The following KLHL1 variants were observed in gnomAD, a reference collection of about 807,000 sequenced individuals.
KLHL1 encodes kelch-like protein 1.
In KLHL1, 47 loss-of-function variants were observed where a neutral mutation model predicts 77.7. The observed-to-expected ratio is 0.60, with a 90% CI of 0.48 to 0.77. The LOEUF (loss-of-function observed/expected upper bound fraction) is 0.77, where lower values mean the gene tolerates loss of function less well. KLHL1 is among the 30% of genes least tolerant of loss of function. The pLI, the probability that KLHL1 is intolerant of heterozygous loss-of-function variation, is 0.00. For synonymous variants in KLHL1, 360 were observed against 325.2 expected (o/e 1.11, Z -1.15); for missense variants, 925 against 910.8 (o/e 1.02, Z -0.20).
At chr13:70,101,629 A>G (rs532503420) in intron 1 of KLHL1, among the ~76,000 whole-genome samples, 5 of 152,050 alleles carry the variant, frequency 3.3e-5, no homozygotes, top group Non-Finnish European at 5.9e-5. Context: ...GGGTTTCACC[A>G]TGTTGGCCAG....
chr13:69,950,406 CA>C (rs1463895306), intron 3 of KLHL1, among the ~76,000 whole-genome samples: 29 of 151,624 alleles, frequency 1.9e-4, no homozygotes, highest in Non-Finnish European at 3.4e-4. Context: ...TAAGCTCCCT[CA>C]ACTTTAACAA....
intron 5 of KLHL1, among the ~76,000 whole-genome samples, chr13:69,868,097 C>G (rs1164409209): frequency 6.6e-6 from 1 of 151,964 alleles, no homozygotes; most frequent in East Asian, 1.9e-4. Context: ...TCTTTTTAAT[C>G]TCTTTTCTTG....
chr13:69,810,818 C>A (rs562686339), intron 6 of KLHL1, among the ~76,000 whole-genome samples: 1 of 151,888 alleles, frequency 6.6e-6, no homozygotes, highest in Non-Finnish European at 1.5e-5. Flanking sequence ...CATATGAATA[C>A]AAAGGCTCCT....
At chr13:69,925,690 G>A (rs2325252) in intron 4 of KLHL1, among the ~76,000 whole-genome samples, 136,230 of 151,720 alleles carry the variant, frequency 0.9, 61,692 homozygotes, top group Non-Finnish European at 0.97. Flanking sequence ...TCTAACATTT[G>A]AAGTTTTATT....
intron 6 of KLHL1, 76 bp from the exon 7 acceptor site, chr13:69,797,038 T>A (rs1210227673): frequency 8.2e-7 from 1 of 1,213,358 alleles, no homozygotes; most frequent in Non-Finnish European, 1.2e-6. Flanking sequence ...GGGTACAAAT[T>A]AGGATGTGAA....
At position 69,940,132 on chromosome 13, in the gene KLHL1, G is replaced by A; in HGVS notation, c.922C>T (p.Leu308Phe). 3.7e-6 allele frequency: 6 copies of A among 1,613,078 alleles called. No homozygotes were observed. Among genetic ancestry groups the A allele is most frequent in the Non-Finnish European group, 5.1e-6 (6 of 1,179,550 alleles). Reference sequence around the variant, plus strand: ...CCTAAACAGTTAGATGGATGCAAAAGCTTCATGAGGAAGTGGCAGCACACT... The same window carrying A: ...CCTAAACAGTTAGATGGATGCAAAAACTTCATGAGGAAGTGGCAGCACACT... ...VEVCCHFLMK[L>F]LHPSNCLGIR... Residue 308 changes from leucine to phenylalanine, a missense_variant, in exon 4 of 11, where the codon CTT becomes TTT. Coordinates refer to ENST00000377844, the MANE Select transcript of KLHL1 (RefSeq NM_020866.3).
At chr13:69,779,620 A>G (rs537974315) in intron 7 of KLHL1, among the ~76,000 whole-genome samples, 1 of 152,074 alleles carries the variant, frequency 6.6e-6, no homozygotes, top group Admixed American at 6.5e-5. Context: ...CAATAATTCC[A>G]AAATATTATT....
At chr13:69,986,830 C>A (rs1593652518) in intron 1 of KLHL1, among the ~76,000 whole-genome samples, 1 of 151,788 alleles carries the variant, frequency 6.6e-6, no homozygotes, top group African/African-American at 2.4e-5. Flanking sequence ...TGTTTAATAA[C>A]CTAAACTTCT....
intron 4 of KLHL1, among the ~76,000 whole-genome samples, chr13:69,919,495 G>T (rs1882561525): frequency 6.6e-6 from 1 of 152,084 alleles, no homozygotes; most frequent in South Asian, 2.1e-4. Flanking sequence ...AGAAATGGTT[G>T]AGTGGAAAAG....
At chr13:69,744,289 G>T (rs1874109317) in intron 7 of KLHL1, among the ~76,000 whole-genome samples, 1 of 152,066 alleles carries the variant, frequency 6.6e-6, no homozygotes, top group South Asian at 2.1e-4. Context: ...AAAGTTTCCA[G>T]GAGGATGGGC....
Position 69,700,680 on chromosome 13 carries a change from T to A in KLHL1, c.*1022A>T, listed in dbSNP as rs2137861030. The stretch of plus-strand genomic sequence containing the variant: ...AGGACATTGTGTAATGTTTCCACTT[T>A]GTTTTAAACAATTACAAACATGTGG... On this transcript the variant is annotated 3_prime_UTR_variant, in exon 11 of 11. Transcript: ENST00000377844. The A allele has an allele frequency of 6.6e-6, 1 of 152,568 alleles. No individual in the cohort carries two copies. Among genetic ancestry groups the A allele is most frequent in the African/African-American group, 2.4e-5 (1 of 41,560 alleles). The allele number at this position is 152,568 out of a possible 1,614,324, so 9.5% of individuals were successfully genotyped here.
rs376729624 is a variant in KLHL1 at position 69,885,141 on chromosome 13, C to T, written c.1015-2646G>A. On this transcript the variant is annotated intron_variant, in intron 4 of 10. Coordinates refer to ENST00000377844, the MANE Select transcript of KLHL1 (RefSeq NM_020866.3). ...ATTTTTAGTAGAGACGGGGTTTCAC[C>T]GTGTTAGCCAGGATGGTCTCGATCT... 8.5e-4 allele frequency among the ~76,000 whole-genome samples: 116 copies of T among 136,422 alleles called. 2 individuals are homozygous for T. The South Asian group carries it at 0.024, about 28-fold the overall frequency. The allele number at this position is 136,422 out of a possible 152,430, so 89.5% of individuals were successfully genotyped here.
At chr13:69,903,744 C>T (rs888804172) in intron 4 of KLHL1, among the ~76,000 whole-genome samples, 3 of 135,486 alleles carry the variant, frequency 2.2e-5, no homozygotes, top group Admixed American at 1.8e-4. Context: ...TGGGTTCAAG[C>T]GATTCTCCTG....
In KLHL1 at chr13:69,936,482, G is replaced by A. The variant is rs1883191318; in HGVS notation, c.1014+3558C>T. ...CAGGTGCCTGTAGTCCCAGTTACTT[G>A]GGAGTCTGGGACAGGAGAATTGCCC... is the stretch of plus-strand genomic sequence containing the variant. On this transcript the variant is annotated intron_variant, in intron 4 of 10. Coordinates refer to ENST00000377844, the MANE Select transcript of KLHL1 (RefSeq NM_020866.3). Among the ~76,000 whole-genome samples, 3 of 151,866 alleles carry A rather than the reference G, an allele frequency of 2.0e-5. No homozygotes were observed. The South Asian group carries it at 6.2e-4, about 32-fold the overall frequency.
At chr13:69,929,301 T>C (rs576015255) in intron 4 of KLHL1, among the ~76,000 whole-genome samples, 21 of 152,150 alleles carry the variant, frequency 1.4e-4, no homozygotes, top group African/African-American at 2.4e-4. Context: ...TTCTGTGTTT[T>C]ATCTCATTTT....
chr13:69,975,607 C>A lies in KLHL1; in HGVS notation c.680+13G>T. The A allele has an allele frequency of 6.2e-7, 1 of 1,603,666 alleles. No individual in the cohort carries two copies. The highest frequency in any genetic ancestry group is 8.5e-7 in the Non-Finnish European group (1 of 1,176,124). On this transcript the variant is annotated intron_variant, in intron 2 of 10. Coordinates refer to ENST00000377844, the MANE Select transcript of KLHL1 (RefSeq NM_020866.3). ...TGTGAATGCATGTTTCCAGTAGAGG[C>A]AGACTACTGTACCTATGTGCAGGTA...
chr13:69,887,341 A>C (rs1299098854), intron 4 of KLHL1, among the ~76,000 whole-genome samples: 2 of 152,178 alleles, frequency 1.3e-5, no homozygotes, highest in Non-Finnish European at 2.9e-5. Flanking sequence ...CTGTTTCCTC[A>C]GAGGGCACAG....
At chr13:69,832,908 C>CA (rs1314914398) in intron 6 of KLHL1, among the ~76,000 whole-genome samples, 1 of 151,338 alleles carries the variant, frequency 6.6e-6, no homozygotes, top group African/African-American at 2.4e-5. Context: ...AGCCACATGG[C>CA]AAAAAACTGG....
intron 6 of KLHL1, among the ~76,000 whole-genome samples, chr13:69,828,215 A>C (rs1278697874): frequency 7.0e-6 from 1 of 142,808 alleles, no homozygotes; most frequent in Non-Finnish European, 1.6e-5. Flanking sequence ...GTGAGTGCCC[A>C]AAATGTGAGA....
Sources: allele counts gnomAD v4.1 joint callset (sites outside exome capture counted in the v4.1 genomes callset), GRCh38; gene constraint gnomAD v4.1.1; transcripts MANE v1.5; gene names NCBI Gene and HGNC (gene_info 2026-07-23, HGNC 2026-07-21).